ANKRD44: variants seen among roughly 807,000 people sequenced by gnomAD.
The protein encoded by ANKRD44 is ankyrin repeat domain 44, also known as serine/threonine-protein phosphatase 6 regulatory ankyrin repeat subunit B.
ANKRD44 carries 35 observed loss-of-function variants against 116.0 expected under a neutral mutation model. The observed-to-expected ratio is 0.30, with a 90% CI of 0.23 to 0.40. ANKRD44 has a LOEUF of 0.40. ANKRD44 is among the 10% of genes least tolerant of loss of function. ANKRD44 has a pLI of 1.00. For synonymous variants in ANKRD44, 435 were observed against 461.8 expected (o/e 0.94, Z 0.74); for missense variants, 1,014 against 1,242.6 (o/e 0.82, Z 2.77).
At chr2:197,221,468 T>C (rs2081585651) in intron 1 of ANKRD44, among the ~76,000 whole-genome samples, 1 of 152,144 alleles carries the variant, frequency 6.6e-6, no homozygotes, top group African/African-American at 2.4e-5. Flanking sequence ...TGAAGAAATG[T>C]CATCTCACTA....
At chr2:197,054,806 G>C (rs1322659558) in intron 16 of ANKRD44, among the ~76,000 whole-genome samples, 1 of 152,168 alleles carries the variant, frequency 6.6e-6, no homozygotes, top group Non-Finnish European at 1.5e-5. Flanking sequence ...TTGCAGACTA[G>C]TTTCTGTATG....
intron 1 of ANKRD44, among the ~76,000 whole-genome samples, chr2:197,210,431 T>C (rs2081299515): frequency 6.6e-6 from 1 of 152,182 alleles, no homozygotes; most frequent in African/African-American, 2.4e-5. Context: ...ATAAAGCTAG[T>C]GAGGGGCTGA....
intron 16 of ANKRD44, among the ~76,000 whole-genome samples, chr2:197,037,617 A>G (rs2076831935): frequency 6.6e-6 from 1 of 152,168 alleles, no homozygotes; most frequent in Admixed American, 6.5e-5. Context: ...TGGTTATTTT[A>G]TATTTTGGAT....
At chr2:197,198,665 C>G (rs1160304433) in intron 1 of ANKRD44, among the ~76,000 whole-genome samples, 1 of 151,952 alleles carries the variant, frequency 6.6e-6, no homozygotes, top group Non-Finnish European at 1.5e-5. Flanking sequence ...TGGTGGCGTG[C>G]CCCTGTAATC....
intron 10 of ANKRD44, among the ~76,000 whole-genome samples, chr2:197,093,250 C>G (rs1432765724): frequency 1.3e-5 from 2 of 151,950 alleles, no homozygotes; most frequent in African/African-American, 4.8e-5. Context: ...GAAATAGCAT[C>G]AAACTCTATA....
At chr2:197,039,694 T>C (rs867294407) in intron 16 of ANKRD44, among the ~76,000 whole-genome samples, 56 of 130,774 alleles carry the variant, frequency 4.3e-4, no homozygotes, top group African/African-American at 1.0e-3. Flanking sequence ...TGTGTGTGTG[T>C]GTGTGTGTGT....
At chr2:196,982,108 T>A (rs1300760169), downstream of ANKRD44, among the ~76,000 whole-genome samples, 2 of 96,550 alleles carry the variant, frequency 2.1e-5, no homozygotes, top group Non-Finnish European at 4.3e-5. Context: ...CTAAAAAAAA[T>A]TATATATATA....
At position 197,110,841 on chromosome 2, in the gene ANKRD44, T is replaced by C. The variant is rs377640715; in HGVS notation, c.910A>G (p.Lys304Glu). 4 of 1,613,724 alleles carry C rather than the reference T, an allele frequency of 2.5e-6. No homozygotes were observed. In the Admixed American group the frequency reaches 6.7e-5, roughly 27 times the overall value. The change falls in exon 9 of 28, where the codon AAA (lysine) becomes GAA (glutamate). Residue 304 changes from lysine (K) to glutamate (E), a missense_variant. Transcript: ENST00000282272. ...ATGTGCAGTGGACTTTTGCCATCTTTACTCTAAAAAAAAGAGAGGGAGAGA... is the reference window on the plus strand; with the variant it reads ...ATGTGCAGTGGACTTTTGCCATCTTCACTCTAAAAAAAAGAGAGGGAGAGA... Reference protein sequence around the residue: ...NNGADVNIQSKDGKSPLHMTA... With the variant: ...NNGADVNIQSEDGKSPLHMTA...
Position 197,125,347 on chromosome 2 carries a change from T to A in ANKRD44, c.550+34A>T, listed in dbSNP as rs2078951062. The A allele has an allele frequency of 3.2e-6, 5 of 1,580,720 alleles. No homozygotes were observed. In the African/African-American group the frequency reaches 4.0e-5, roughly 13 times the overall value. ...CCCATGGCTTATTTAGTTAAGGTTATCTGTACTTTGCTTTCCATGCATGGA... is the reference window on the plus strand; with the variant it reads ...CCCATGGCTTATTTAGTTAAGGTTAACTGTACTTTGCTTTCCATGCATGGA... On this transcript the variant is annotated intron_variant, in intron 6 of 27. Transcript: ENST00000282272.
intron 16 of ANKRD44, among the ~76,000 whole-genome samples, chr2:197,062,146 C>A (rs939125664): frequency 2.6e-5 from 4 of 152,198 alleles, no homozygotes; most frequent in Non-Finnish European, 5.9e-5. Flanking sequence ...CACTCTGTAA[C>A]TTCAGAAAGC....
At chr2:197,272,333 G>A (rs1326059999) in intron 1 of ANKRD44, among the ~76,000 whole-genome samples, 2 of 152,126 alleles carry the variant, frequency 1.3e-5, no homozygotes, top group African/African-American at 4.8e-5. Context: ...CCGCCTCCCG[G>A]GTTCAAGCAA....
At chr2:197,169,919 G>A (rs922793940) in intron 2 of ANKRD44, among the ~76,000 whole-genome samples, 1 of 152,102 alleles carries the variant, frequency 6.6e-6, no homozygotes, top group East Asian at 1.9e-4. Context: ...GGCCAGGTAC[G>A]TGGTTCATGC....
intron 1 of ANKRD44, among the ~76,000 whole-genome samples, chr2:197,300,162 G>A (rs1182309303): frequency 6.6e-6 from 1 of 152,214 alleles, no homozygotes; most frequent in Admixed American, 6.5e-5. Context: ...CAAGTTTTCA[G>A]GCAGAGGGCA....
Position 197,125,445 on chromosome 2 carries a change from T to G in ANKRD44, c.486A>C (p.Lys162Asn). 6.2e-7 allele frequency: 1 copy of G among 1,614,010 alleles called. No homozygotes were observed. The highest frequency in any genetic ancestry group is 8.5e-7 in the Non-Finnish European group (1 of 1,180,034). ...HVEMVNLLLA[K>N]GANINAFDKK... The stretch of plus-strand genomic sequence containing the variant: ...TGTCAAATGCATTGATATTTGCCCC[T>G]TTGGCCAAGAGTAAATTGACCATCT... Residue 162 changes from lysine to asparagine, a missense_variant, in exon 6 of 28, where the codon AAA (lysine) becomes AAC (asparagine). Lys to Asn is a moderately conservative substitution (Grantham distance 94). Coordinates refer to ENST00000282272, the MANE Select transcript of ANKRD44 (RefSeq NM_001195144.2).
At chr2:197,114,520 T>G (rs1011912275) in intron 8 of ANKRD44, among the ~76,000 whole-genome samples, 2 of 152,208 alleles carry the variant, frequency 1.3e-5, no homozygotes, top group African/African-American at 4.8e-5. Flanking sequence ...CTAAAAGCAG[T>G]GTTTATATTT....
At position 197,100,820 on chromosome 2, in the gene ANKRD44, G is replaced by C. The variant is rs1439376100; in HGVS notation, c.986-890C>G. Reference sequence around the variant, plus strand: ...ATACTTCTTTTAATAATATAGTATTGTCATTATGTTTTATTTTGCCTTCTC... The same window carrying C: ...ATACTTCTTTTAATAATATAGTATTCTCATTATGTTTTATTTTGCCTTCTC... On this transcript the variant is annotated intron_variant, in intron 9 of 27. Coordinates refer to ENST00000282272, the MANE Select transcript of ANKRD44 (RefSeq NM_001195144.2). Among the ~76,000 whole-genome samples, 3 of 151,960 alleles carry C rather than the reference G, an allele frequency of 2.0e-5. No homozygotes were observed. In the South Asian group the frequency reaches 6.2e-4, roughly 32 times the overall value.
intron 16 of ANKRD44, among the ~76,000 whole-genome samples, chr2:197,040,188 G>C (rs926408988): frequency 6.6e-6 from 1 of 151,516 alleles, no homozygotes; most frequent in African/African-American, 2.4e-5. Context: ...GCATTGAGCT[G>C]AGATCACGTC....
At chr2:196,974,417 A>C (rs1027522856) in intron 21 of ANKRD44, among the ~76,000 whole-genome samples, 22 of 152,070 alleles carry the variant, frequency 1.4e-4, no homozygotes, top group Non-Finnish European at 2.8e-4. Flanking sequence ...AGTGAGTCAA[A>C]GAAGAAGTTA....
At chr2:196,968,705 G>C (rs1259900791) in intron 21 of ANKRD44, among the ~76,000 whole-genome samples, 2 of 152,134 alleles carry the variant, frequency 1.3e-5, no homozygotes, top group African/African-American at 4.8e-5. Flanking sequence ...GGACTCTCCT[G>C]GTCACTGATC....
Sources: gnomAD v4.1 joint callset for allele counts (sites outside exome capture counted in the v4.1 genomes callset) on GRCh38, gnomAD v4.1.1 for gene constraint, MANE v1.5 for transcripts, NCBI Gene and HGNC (gene_info 2026-07-23, HGNC 2026-07-21) for gene names.